The following ANAPC1 variants were observed in gnomAD, a reference collection of about 807,000 sequenced individuals.
ANAPC1 encodes anaphase-promoting complex subunit 1.
ANAPC1 carries 36 observed loss-of-function variants against 208.0 expected under a neutral mutation model. That is an observed-to-expected ratio of 0.17 (90% confidence interval 0.13 to 0.23). The LOEUF (loss-of-function observed/expected upper bound fraction) is 0.23, where lower values mean the gene tolerates loss of function less well. Ranked by LOEUF, ANAPC1 falls within the 10% of genes least tolerant of loss-of-function variation. The pLI, the probability that ANAPC1 is intolerant of heterozygous loss-of-function variation, is 1.00. For synonymous variants in ANAPC1, 378 were observed against 695.2 expected, an observed-to-expected ratio of 0.54 and a Z score of 7.18; for missense variants, 942 against 2,011.6, an observed-to-expected ratio of 0.47 and a Z score of 10.17.
At chr2:111,863,931 A>G (rs1217626124) in intron 8 of ANAPC1, 36 bp from the exon 9 acceptor site, 1 of 1,540,884 alleles carries the variant, frequency 6.5e-7, no homozygotes, top group Non-Finnish European at 8.7e-7. Flanking sequence ...GAAAAAAAAA[A>G]AAACAATAAT....
chr2:111,853,812 G>T (rs551284647), intron 13 of ANAPC1, among the ~76,000 whole-genome samples: 1 of 152,176 alleles, frequency 6.6e-6, no homozygotes, highest in South Asian at 2.1e-4. Flanking sequence ...CGCCTCCTGG[G>T]TTCACGCCAG....
chr2:111,801,358 TAA>T (rs752955666), intron 33 of ANAPC1, among the ~76,000 whole-genome samples: 7 of 125,306 alleles, frequency 5.6e-5, no homozygotes, highest in Admixed American at 2.4e-4. Context: ...CTCCATCTCA[TAA>T]AAAAAAAAAA....
intron 10 of ANAPC1, among the ~76,000 whole-genome samples, chr2:111,858,889 T>A (rs1681893627): frequency 6.6e-6 from 1 of 152,070 alleles, no homozygotes; most frequent in Admixed American, 6.5e-5. Context: ...ATCTCTAAGA[T>A]CCTTTCAGTT....
chr2:111,849,166 G>A (rs1051059024), intron 14 of ANAPC1, among the ~76,000 whole-genome samples: 3 of 152,146 alleles, frequency 2.0e-5, no homozygotes, highest in African/African-American at 4.8e-5. Context: ...ATTCAGCTCC[G>A]CTGGTCCTGG....
At chr2:111,874,594 T>A (rs1295979438) in intron 3 of ANAPC1, among the ~76,000 whole-genome samples, 8 of 152,208 alleles carry the variant, frequency 5.3e-5, no homozygotes, top group Admixed American at 5.2e-4. Flanking sequence ...ATGACATGTA[T>A]CAGAATTTTA....
intron 1 of ANAPC1, among the ~76,000 whole-genome samples, chr2:111,883,274 C>G (rs1259130864): frequency 6.7e-6 from 1 of 150,078 alleles, no homozygotes; most frequent in East Asian, 1.9e-4. Context: ...CATCAACGAA[C>G]TTTTGACTTT....
intron 21 of ANAPC1, among the ~76,000 whole-genome samples, chr2:111,830,165 T>C (rs1000793777): frequency 2.0e-5 from 3 of 152,132 alleles, no homozygotes; most frequent in African/African-American, 7.2e-5. Context: ...ACTATAAAGC[T>C]ACAGTAATTA....
chr2:111,856,832 C>G lies in ANAPC1; in HGVS notation c.1413G>C (p.Val471=). 1 of 1,612,676 alleles carries G rather than the reference C, an allele frequency of 6.2e-7. No individual in the cohort carries two copies. The highest frequency in any genetic ancestry group is 8.5e-7 in the Non-Finnish European group (1 of 1,179,854). ...NDKTQLIFGS[V]TNIPAKDAAP... ...CTGCATCCTTTGCTGGTATGTTGGT[C>G]ACTGAACCAAAGATGAGCTGGGTTT... is the stretch of plus-strand genomic sequence containing the variant. Residue 471 remains valine, a synonymous_variant, in exon 12 of 48, where the codon GTG becomes GTC. Transcript: ENST00000341068.
At chr2:111,791,366 A>G (rs1371503786) in intron 38 of ANAPC1, among the ~76,000 whole-genome samples, 1 of 149,966 alleles carries the variant, frequency 6.7e-6, no homozygotes, top group African/African-American at 2.5e-5. Flanking sequence ...GCACTGCAGC[A>G]CTGATGGTAT....
At chr2:111,870,636 C>T (rs1302493987) in intron 6 of ANAPC1, among the ~76,000 whole-genome samples, 1 of 152,178 alleles carries the variant, frequency 6.6e-6, no homozygotes, top group Non-Finnish European at 1.5e-5. Flanking sequence ...AATATTTTCT[C>T]CCACTGTGTG....
rs779584973 is a variant in ANAPC1, at chr2:111,880,694, T to C, written c.132A>G (p.Pro44=). 13 of 1,613,814 alleles carry C rather than the reference T, an allele frequency of 8.1e-6. No homozygotes were observed. In the South Asian group the frequency reaches 1.3e-4, roughly 16 times the overall value. Residue 44 remains proline, a synonymous_variant, in exon 2 of 48, where the codon CCA becomes CCG. Transcript: ENST00000341068. ...CATCAGAAGACCATAATTCAGAAGC[T>C]GGCTGCAGCTGGCGAAGTTGAAGGT... The part of the protein sequence containing the change: ...ALNLQLRQLQ[P]ASELWSSDGA...
chr2:111,838,950 G>A (rs996612577), intron 17 of ANAPC1, among the ~76,000 whole-genome samples: 2 of 152,152 alleles, frequency 1.3e-5, no homozygotes, highest in African/African-American at 4.8e-5. Context: ...ACAATTCTAT[G>A]GCAGAGACAA....
intron 25 of ANAPC1, chr2:111,821,896 GT>G (rs1310195002): frequency 4.9e-6 from 1 of 205,514 alleles, no homozygotes; most frequent in African/African-American, 2.4e-5. Flanking sequence ...CTTAAGACAT[GT>G]TTTTAAACAA....
rs1427035667 is a variant in ANAPC1 at position 111,862,657 on chromosome 2, C to T, written c.1053-59G>A. Reference sequence around the variant, plus strand: ...GTTAGCAAGGCAGGCTTATATGACACACACTCCAATGACACTTCCAAAAAT... The same window carrying T: ...GTTAGCAAGGCAGGCTTATATGACATACACTCCAATGACACTTCCAAAAAT... On this transcript the variant is annotated intron_variant, in intron 9 of 47. Transcript: ENST00000341068. 2.5e-6 allele frequency: 4 copies of T among 1,572,552 alleles called. No homozygotes were observed. The African/African-American group carries it at 4.1e-5, about 16-fold the overall frequency.
intron 16 of ANAPC1, among the ~76,000 whole-genome samples, chr2:111,844,393 A>G (rs1680936967): frequency 6.6e-6 from 1 of 150,682 alleles, no homozygotes; most frequent in Non-Finnish European, 1.5e-5. Flanking sequence ...ACATGGTGAA[A>G]CCCCATTTCT....
intron 43 of ANAPC1, among the ~76,000 whole-genome samples, 175 bp downstream of exon 43, chr2:111,782,190 TATTC>T (rs777508034): frequency 6.7e-6 from 1 of 149,482 alleles, no homozygotes; most frequent in Non-Finnish European, 1.5e-5. Flanking sequence ...ACAGATTTTA[TATTC>T]ATTATATTTT....
chr2:111,864,440 C>G (rs1366829713), intron 8 of ANAPC1, among the ~76,000 whole-genome samples: 1 of 115,102 alleles, frequency 8.7e-6, no homozygotes, highest in African/African-American at 3.0e-5. Context: ...GAAGTATTAA[C>G]TACTCTTTCA....
At chr2:111,855,690 G>A (rs1681673542) in intron 13 of ANAPC1, among the ~76,000 whole-genome samples, 1 of 151,972 alleles carries the variant, frequency 6.6e-6, no homozygotes, top group South Asian at 2.1e-4. Flanking sequence ...ATACATAACT[G>A]TAAAAACTAG....
rs1339484575 is a variant in ANAPC1 at position 111,806,808 on chromosome 2, C to T, written c.3833-915G>A. On this transcript the variant is annotated intron_variant, in intron 29 of 47. Coordinates refer to ENST00000341068, the MANE Select transcript of ANAPC1 (RefSeq NM_022662.4). Reference sequence around the variant, plus strand: ...AACTCTAACACTACCGTGTTGAAAACGATAAAATGTACTATGTATTAAAAC... The same window carrying T: ...AACTCTAACACTACCGTGTTGAAAATGATAAAATGTACTATGTATTAAAAC... 5.3e-5 allele frequency among the ~76,000 whole-genome samples: 8 copies of T among 151,988 alleles called. No homozygotes were observed. In the East Asian group the frequency reaches 9.7e-4, roughly 18 times the overall value.
Sources: gnomAD v4.1 joint callset for allele counts (sites outside exome capture counted in the v4.1 genomes callset) on GRCh38, gnomAD v4.1.1 for gene constraint, MANE v1.5 for transcripts, NCBI Gene and HGNC (gene_info 2026-07-23, HGNC 2026-07-21) for gene names.